FBXL7: variants seen among roughly 807,000 people sequenced by gnomAD.
The protein encoded by FBXL7 is F-box/LRR-repeat protein 7.
FBXL7 carries 12 observed loss-of-function variants against 38.3 expected under a neutral mutation model. That is an observed-to-expected ratio of 0.31 (90% CI 0.20 to 0.51). FBXL7 has a LOEUF of 0.51. FBXL7 is among the 20% of genes least tolerant of loss of function. The pLI, the probability that FBXL7 is intolerant of heterozygous loss-of-function variation, is 0.98. For missense variants in FBXL7, 567 were observed against 676.4 expected (o/e 0.84, Z 1.79); for synonymous variants, 297 against 300.9 (o/e 0.99, Z 0.13).
chr5:15,763,375 T>G (rs1034538440), intron 2 of FBXL7, among the ~76,000 whole-genome samples: 1 of 152,220 alleles, frequency 6.6e-6, no homozygotes, highest in African/African-American at 2.4e-5. Context: ...ACTTAACAAT[T>G]TACATAAATA....
intron 2 of FBXL7, among the ~76,000 whole-genome samples, chr5:15,779,058 T>C (rs1736927672): frequency 6.6e-6 from 1 of 152,120 alleles, no homozygotes; most frequent in African/African-American, 2.4e-5. Flanking sequence ...AGATGACATA[T>C]ACGCTTAGGA....
intron 2 of FBXL7, among the ~76,000 whole-genome samples, chr5:15,840,427 G>A (rs991288667): frequency 2.6e-5 from 4 of 152,162 alleles, no homozygotes; most frequent in African/African-American, 9.7e-5. Context: ...GAATCAGTTT[G>A]TCAAGTTCCA....
chr5:15,563,972 A>G (rs1161044824), intron 1 of FBXL7, among the ~76,000 whole-genome samples: 1 of 152,088 alleles, frequency 6.6e-6, no homozygotes, highest in Non-Finnish European at 1.5e-5. Flanking sequence ...TTCAGTGTCC[A>G]GCCTCAGCAT....
At chr5:15,891,713 G>A (rs1170776983) in intron 2 of FBXL7, among the ~76,000 whole-genome samples, 1 of 152,190 alleles carries the variant, frequency 6.6e-6, no homozygotes, top group Non-Finnish European at 1.5e-5. Context: ...TCTGAGCCCA[G>A]TTTAGATCCC....
intron 3 of FBXL7, among the ~76,000 whole-genome samples, chr5:15,935,921 C>G (rs1742170704): frequency 6.6e-6 from 1 of 152,148 alleles, no homozygotes; most frequent in African/African-American, 2.4e-5. Flanking sequence ...TGACTCCTAA[C>G]CCAGTGTTCT....
At chr5:15,744,669 G>A (rs1296800215) in intron 2 of FBXL7, among the ~76,000 whole-genome samples, 1 of 152,094 alleles carries the variant, frequency 6.6e-6, no homozygotes, top group Non-Finnish European at 1.5e-5. Context: ...CTTTATAGCA[G>A]CACCCCACTC....
rs1243170815 is a variant in FBXL7 at position 15,763,223 on chromosome 5, G to A, written c.127+147151G>A. ...CCACCTGTGGATACTACTCAACTAA[G>A]TGCTTAACTAAAAGCATGTAATCCC... On this transcript the variant is annotated intron_variant, in intron 2 of 3. Transcript: ENST00000504595. 2.0e-5 allele frequency among the ~76,000 whole-genome samples: 3 copies of A among 152,148 alleles called. No individual in the cohort carries two copies. In the East Asian group the frequency reaches 5.8e-4, roughly 29 times the overall value.
chr5:15,670,529 G>A (rs1479972634), intron 2 of FBXL7, among the ~76,000 whole-genome samples: 1 of 152,146 alleles, frequency 6.6e-6, no homozygotes, highest in African/African-American at 2.4e-5. Flanking sequence ...GGCCAGGCGT[G>A]GTGGCTCACA....
chr5:15,768,789 C>G (rs1736657993), intron 2 of FBXL7, among the ~76,000 whole-genome samples: 1 of 152,174 alleles, frequency 6.6e-6, no homozygotes, highest in South Asian at 2.1e-4. Flanking sequence ...ACAGTGGCCA[C>G]AGTGCTGTGC....
At chr5:15,865,117 C>A (rs752470541) in intron 2 of FBXL7, among the ~76,000 whole-genome samples, 3 of 152,156 alleles carry the variant, frequency 2.0e-5, no homozygotes, top group Non-Finnish European at 4.4e-5. Flanking sequence ...CTCAAAATTT[C>A]ATAAGGAGAG....
intron 1 of FBXL7, among the ~76,000 whole-genome samples, chr5:15,599,875 A>AG (rs1310153167): frequency 5.3e-5 from 8 of 152,174 alleles, no homozygotes; most frequent in Non-Finnish European, 1.2e-4. Context: ...TGCAGCCTGC[A>AG]GGGTGGCCAT....
At chr5:15,698,805 C>T (rs555644777) in intron 2 of FBXL7, among the ~76,000 whole-genome samples, 23 of 152,196 alleles carry the variant, frequency 1.5e-4, no homozygotes, top group African/African-American at 3.6e-4. Flanking sequence ...GCTTAAATGA[C>T]GCTTAGTTAA....
intron 2 of FBXL7, among the ~76,000 whole-genome samples, chr5:15,693,039 G>A (rs1743227838): frequency 6.6e-6 from 1 of 152,114 alleles, no homozygotes; most frequent in East Asian, 1.9e-4. Flanking sequence ...GACAGTGATG[G>A]GATTTTACTC....
At chr5:15,871,509 T>C (rs1454017622) in intron 2 of FBXL7, among the ~76,000 whole-genome samples, 1 of 152,138 alleles carries the variant, frequency 6.6e-6, no homozygotes, top group Non-Finnish European at 1.5e-5. Context: ...TCCTCTGAGC[T>C]AAAGGAGCAT....
chr5:15,745,186 T>G (rs1414277489), intron 2 of FBXL7, among the ~76,000 whole-genome samples: 2 of 151,818 alleles, frequency 1.3e-5, no homozygotes, highest in African/African-American at 4.8e-5. Context: ...AATAAATATT[T>G]AATTATTTGG....
At chr5:15,771,646 G>T (rs1736729188) in intron 2 of FBXL7, among the ~76,000 whole-genome samples, 1 of 151,974 alleles carries the variant, frequency 6.6e-6, no homozygotes, top group South Asian at 2.1e-4. Flanking sequence ...ACTCAATGTA[G>T]GTATTACTGA....
intron 2 of FBXL7, among the ~76,000 whole-genome samples, chr5:15,707,781 A>G: frequency 6.6e-6 from 1 of 152,114 alleles, no homozygotes. Flanking sequence ...GCCCCAAATC[A>G]CTTCAAAGTT....
chr5:15,917,410 G>A (rs888944691), intron 2 of FBXL7, among the ~76,000 whole-genome samples: 1 of 152,064 alleles, frequency 6.6e-6, no homozygotes, highest in African/African-American at 2.4e-5. Context: ...CAGGAGTTCA[G>A]GACATGGGAA....
chr5:15,631,443 C>A (rs1321707937), intron 2 of FBXL7, among the ~76,000 whole-genome samples: 1 of 151,824 alleles, frequency 6.6e-6, no homozygotes, highest in Non-Finnish European at 1.5e-5. Context: ...CGCCTGTAAT[C>A]CCAGCACTTT....
Sources: allele counts gnomAD v4.1 joint callset (sites outside exome capture counted in the v4.1 genomes callset), GRCh38; gene constraint gnomAD v4.1.1; transcripts MANE v1.5; gene names NCBI Gene and HGNC (gene_info 2026-07-23, HGNC 2026-07-21).